The following FBN1 variants were observed in gnomAD, a reference collection of about 807,000 sequenced individuals.
FBN1 encodes fibrillin-1.
In FBN1, 29 loss-of-function variants were observed where a neutral mutation model predicts 365.1. That is an observed-to-expected ratio of 0.08 (90% confidence interval 0.06 to 0.11). The LOEUF is 0.11. FBN1 is among the 10% of genes least tolerant of loss of function. FBN1 has a pLI of 1.00. For missense variants in FBN1, 2,476 were observed against 3,703.2 expected (o/e 0.67, Z 8.60); for synonymous variants, 1,210 against 1,270.5 (o/e 0.95, Z 1.01).
intron 23 of FBN1, among the ~76,000 whole-genome samples, chr15:48,493,624 T>C (rs1292042454): frequency 6.6e-6 from 1 of 152,200 alleles, no homozygotes; most frequent in Non-Finnish European, 1.5e-5. Flanking sequence ...TGTGCCTCTT[T>C]GTTTTAACAG....
Position 48,425,443 on chromosome 15 carries a change from T to C in FBN1, c.7379A>G (p.Lys2460Arg), listed in dbSNP as rs144189837. Reference protein sequence around the residue: ...QAPKPCNFICKNTEGSYQCSC... With the variant: ...QAPKPCNFICRNTEGSYQCSC... The stretch of plus-strand genomic sequence containing the variant: ...ACACTGGTAACTCCCTTCTGTGTTT[T>C]TGCAGATAAAATTGCAGGGTTTGGG... Residue 2460 changes from lysine (K) to arginine (R), a missense_variant, in exon 60 of 66, where the codon AAA (lysine) becomes AGA (arginine). Physicochemically the swap from Lys to Arg is conservative, Grantham distance 26. Around this residue, in one of 5 missense-constraint regions of FBN1, gnomAD observed 1,780 missense variants for 2,840.8 expected, o/e 0.63. Transcript: ENST00000316623. 171 of 1,614,072 alleles carry C rather than the reference T, an allele frequency of 1.1e-4. No homozygotes were observed. The highest frequency in any genetic ancestry group is 1.4e-4 in the Non-Finnish European group (162 of 1,180,020).
chr15:48,560,616 A>G (rs961898207), intron 6 of FBN1, among the ~76,000 whole-genome samples: 3 of 152,178 alleles, frequency 2.0e-5, no homozygotes, highest in African/African-American at 7.2e-5. Flanking sequence ...TTGGCTTTGT[A>G]AGTATTCCTC....
In FBN1 at chr15:48,504,140, C is replaced by T. The variant is rs12904033; in HGVS notation, c.1961-201G>A. ...ACGTTCAGCTTCTAAGCACTGGAAA[C>T]CAATGGCCAGATTGCTTCAGTTTTC... On this transcript the variant is annotated intron_variant, in intron 16 of 65. Coordinates refer to ENST00000316623, the MANE Select transcript of FBN1 (RefSeq NM_000138.5). Among the ~76,000 whole-genome samples the T allele has an allele frequency of 0.25, 37,390 of 152,142 alleles. 5,982 individuals are homozygous for T. The highest frequency in any genetic ancestry group is 0.45 in the African/African-American group (18,643 of 41,494).
intron 58 of FBN1, among the ~76,000 whole-genome samples, chr15:48,426,195 G>A (rs1362979285): frequency 2.0e-5 from 3 of 152,132 alleles, no homozygotes; most frequent in African/African-American, 7.2e-5. Flanking sequence ...GTCATCTCAT[G>A]CCATTAAGCT....
intron 24 of FBN1, among the ~76,000 whole-genome samples, chr15:48,490,608 T>C (rs980284601): frequency 6.6e-6 from 1 of 152,236 alleles, no homozygotes; most frequent in Non-Finnish European, 1.5e-5. Flanking sequence ...AGAAAAGCCA[T>C]TCACTTTACT....
chr15:48,472,737 G>A lies in FBN1; in HGVS notation c.4211-61C>T, dbSNP rs2043387894. ...GGTTAGGGGCTTTCTAATTCCTCAG[G>A]TCTATCAACTTTCCAGTGCAGCAAT... On this transcript the variant is annotated intron_variant, in intron 34 of 65. Transcript: ENST00000316623. 3 of 1,611,946 alleles carry A rather than the reference G, an allele frequency of 1.9e-6. No individual in the cohort carries two copies. In the Admixed American group the frequency reaches 5.0e-5, roughly 27 times the overall value.
chr15:48,415,115 T>C (rs145077816), intron 64 of FBN1, among the ~76,000 whole-genome samples: 57 of 152,286 alleles, frequency 3.7e-4, no homozygotes, highest in Non-Finnish European at 6.3e-4. Flanking sequence ...TGACTTATTC[T>C]AACAGGAGCT....
intron 42 of FBN1, among the ~76,000 whole-genome samples, chr15:48,460,654 TCTCTA>T (rs1360705324): frequency 6.6e-6 from 1 of 152,132 alleles, no homozygotes; most frequent in African/African-American, 2.4e-5. Context: ...AGAGTGCCTC[TCTCTA>T]CTCTGCATTT....
At chr15:48,539,735 G>A (rs1006803782) in intron 6 of FBN1, among the ~76,000 whole-genome samples, 13 of 151,708 alleles carry the variant, frequency 8.6e-5, no homozygotes, top group South Asian at 8.3e-4. Context: ...TTCTCTGCAT[G>A]ATATAGCCCC....
chr15:48,483,130 T>C (rs898580789), intron 31 of FBN1, among the ~76,000 whole-genome samples: 5 of 152,202 alleles, frequency 3.3e-5, no homozygotes, highest in Admixed American at 6.5e-5. Flanking sequence ...CAGGAAAATA[T>C]GACCTAAAAT....
In FBN1 at chr15:48,421,586, T is replaced by G; in HGVS notation, c.7671A>C (p.Ser2557=). 6.2e-7 allele frequency: 1 copy of G among 1,613,588 alleles called. No individual in the cohort carries two copies. Among genetic ancestry groups the G allele is most frequent in the Non-Finnish European group, 8.5e-7 (1 of 1,179,934 alleles). Reference sequence around the variant, plus strand: ...CACAGCTGGAGCCGGTCTGATCAAGTGAGAATCCCCGCTGGCATTCACAGG... The same window carrying G: ...CACAGCTGGAGCCGGTCTGATCAAGGGAGAATCCCCGCTGGCATTCACAGG... ...SFTCECQRGF[S]LDQTGSSCED... is the part of the protein sequence containing the mutation. The change falls in exon 62 of 66, where the codon TCA becomes TCC. Residue 2557 remains serine (S), a synonymous_variant. Coordinates refer to ENST00000316623, the MANE Select transcript of FBN1 (RefSeq NM_000138.5).
intron 13 of FBN1, among the ~76,000 whole-genome samples, chr15:48,512,173 C>A (rs904055711): frequency 4.6e-5 from 7 of 152,118 alleles, no homozygotes; most frequent in African/African-American, 1.7e-4. Flanking sequence ...GAACAAAATT[C>A]ATAAATTTTG....
intron 45 of FBN1, among the ~76,000 whole-genome samples, chr15:48,450,398 A>C (rs2043192019): frequency 6.6e-6 from 1 of 152,204 alleles, no homozygotes; most frequent in Admixed American, 6.5e-5. Flanking sequence ...ATGAAAAATG[A>C]AACATGGGGA....
intron 2 of FBN1, among the ~76,000 whole-genome samples, chr15:48,617,500 A>C (rs1389638232): frequency 6.6e-6 from 1 of 152,160 alleles, no homozygotes; most frequent in Non-Finnish European, 1.5e-5. Flanking sequence ...CCTGTATTCC[A>C]ATAGTTTATA....
intron 6 of FBN1, among the ~76,000 whole-genome samples, chr15:48,591,505 T>C (rs1208024691): frequency 3.9e-5 from 6 of 152,248 alleles, no homozygotes; most frequent in African/African-American, 1.2e-4. Flanking sequence ...CACATTTATA[T>C]GTCCTGTAAA....
At position 48,412,788 on chromosome 15, in the gene FBN1, G is replaced by T. The variant is rs767422769; in HGVS notation, c.8052-45C>A. ...TAGATGTTTTTCATTAGAATGGGAA[G>T]ACAAGGTAGGTGGTACAAGAGTTCT... On this transcript the variant is annotated intron_variant, in intron 64 of 65. Coordinates refer to ENST00000316623, the MANE Select transcript of FBN1 (RefSeq NM_000138.5). 18 of 1,607,862 alleles carry T rather than the reference G, an allele frequency of 1.1e-5. No individual in the cohort carries two copies. The South Asian group carries it at 1.8e-4, about 16-fold the overall frequency.
intron 29 of FBN1, among the ~76,000 whole-genome samples, chr15:48,486,357 AG>A (rs2043506841): frequency 6.6e-6 from 1 of 152,188 alleles, no homozygotes; most frequent in Non-Finnish European, 1.5e-5. Flanking sequence ...GAGACTTGGC[AG>A]TTCCACATGG....
In FBN1 at chr15:48,533,760, G is replaced by T. The variant is rs141521168; in HGVS notation, c.862+320C>A. 4.0e-4 allele frequency among the ~76,000 whole-genome samples: 61 copies of T among 152,252 alleles called. No individual in the cohort carries two copies. The East Asian group carries it at 6.4e-3, about 16-fold the overall frequency. On this transcript the variant is annotated intron_variant, in intron 8 of 65. Transcript: ENST00000316623. Reference sequence around the variant, plus strand: ...ATCTAATGACCAAATTTAAATTCATGTCTCTAGAACTATGCAAAAACATGT... The same window carrying T: ...ATCTAATGACCAAATTTAAATTCATTTCTCTAGAACTATGCAAAAACATGT...
rs1466449428 is a variant in FBN1, at chr15:48,472,691, A to G, written c.4211-15T>C. ...CTCATCAAGGTCTACAGCCAGAAAG[A>G]AACACACGTTACTCTTCCTCGGTTA... On this transcript the variant is annotated splice_polypyrimidine_tract_variant and intron_variant, in intron 34 of 65. Transcript: ENST00000316623. 1 of 1,614,138 alleles carries G rather than the reference A, an allele frequency of 6.2e-7. No individual in the cohort carries two copies. Among genetic ancestry groups the G allele is most frequent in the Non-Finnish European group, 8.5e-7 (1 of 1,179,996 alleles).
Sources: allele counts gnomAD v4.1 joint callset (sites outside exome capture counted in the v4.1 genomes callset), GRCh38; gene constraint gnomAD v4.1.1; regional missense constraint gnomAD v4.1.1; transcripts MANE v1.5; gene names NCBI Gene and HGNC (gene_info 2026-07-23, HGNC 2026-07-21).